The following ADCY5 variants were observed in gnomAD, a reference collection of about 807,000 sequenced individuals.
ADCY5 encodes adenylate cyclase 5.
Under a neutral mutation model 119.7 loss-of-function variants are expected in ADCY5, and 30 were observed. The observed-to-expected ratio is 0.25, with a 90% CI of 0.19 to 0.34. The LOEUF is 0.34. ADCY5 is among the 10% of genes least tolerant of loss of function. The pLI is 1.00. For missense variants in ADCY5, 1,324 were observed against 1,775.2 expected (o/e 0.75, Z 4.57); for synonymous variants, 753 against 762.2 (o/e 0.99, Z 0.20).
Position 123,448,517 on chromosome 3 carries a change from G to T in ADCY5, c.29C>A (p.Pro10Gln). 1 of 1,264,858 alleles carries T rather than the reference G, an allele frequency of 7.9e-7. No individual in the cohort carries two copies. The highest frequency in any genetic ancestry group is 9.9e-7 in the Non-Finnish European group (1 of 1,006,536). 78.4% of individuals were successfully genotyped at this position (1,264,858 alleles called of 1,614,324 possible). A position where few individuals can be genotyped will look rare whatever the true frequency, so the allele number is the denominator to read the frequency against. Residue 10 changes from proline to glutamine, a missense_variant, in exon 1 of 21, where the codon CCG becomes CAG. Physicochemically the swap from Pro to Gln is moderately conservative, Grantham distance 76 (BLOSUM62 -1). This residue lies in a region of ADCY5 where 585 missense variants were observed against 569.9 expected (regional missense o/e 1.03). Coordinates refer to ENST00000462833, the MANE Select transcript of ADCY5 (RefSeq NM_183357.3). MSGSKSVSP[P>Q]GYAAQKTAAP... The stretch of plus-strand genomic sequence containing the variant: ...CGCAGTCTTCTGCGCCGCGTAGCCC[G>T]GGGGGCTCACGCTTTTGGAGCCGGA...
At chr3:123,287,436 C>A (rs914839964) in intron 19 of ADCY5, among the ~76,000 whole-genome samples, 3 of 152,200 alleles carry the variant, frequency 2.0e-5, no homozygotes, top group Non-Finnish European at 2.9e-5. Flanking sequence ...AAATCCTGCC[C>A]CCATGTATCT....
intron 2 of ADCY5, among the ~76,000 whole-genome samples, chr3:123,350,979 G>C (rs1382743061): frequency 6.6e-6 from 1 of 152,120 alleles, no homozygotes; most frequent in East Asian, 1.9e-4. Context: ...GTGTGCCAGA[G>C]GCGAGGTACA....
chr3:123,328,795 G>A lies in ADCY5; in HGVS notation c.1654C>T (p.Arg552Trp). The A allele has an allele frequency of 2.5e-6, 4 of 1,614,144 alleles. No individual in the cohort carries two copies. The highest frequency in any genetic ancestry group is 3.4e-6 in the Non-Finnish European group (4 of 1,180,006). Residue 552 changes from arginine to tryptophan, a missense_variant, in exon 6 of 21, where the codon CGG becomes TGG. Physicochemically the swap from Arg to Trp is moderately radical, Grantham distance 101. Coordinates refer to ENST00000462833, the MANE Select transcript of ADCY5 (RefSeq NM_183357.3). Reference protein sequence around the residue: ...MDMIEAISLVREVTGVNVNMR... With the variant: ...MDMIEAISLVWEVTGVNVNMR... ...TTCACGTTCACCCCTGTCACCTCCC[G>A]GACCAACCTGGGGATGGAGCAGGAG...
intron 1 of ADCY5, among the ~76,000 whole-genome samples, chr3:123,364,084 T>C (rs1255643181): frequency 6.6e-6 from 1 of 152,210 alleles, no homozygotes. Flanking sequence ...TTTTCACATG[T>C]ATACATTTCA....
rs1034123626 is a variant in ADCY5 at position 123,295,956 on chromosome 3, C to T, written c.3063+128G>A. The T allele has an allele frequency of 2.7e-5, 37 of 1,378,626 alleles. 1 individual carries two copies. In the South Asian group the frequency reaches 4.9e-4, roughly 18 times the overall value. The allele number at this position is 1,378,626 out of a possible 1,614,324, so 85.4% of individuals were successfully genotyped here. ...AGGGCACCAAGTGGCTTCGATGGGG[C>T]CTGAGCAAGACAGCTTGACAGTGTA... On this transcript the variant is annotated intron_variant, in intron 17 of 20. Transcript: ENST00000462833.
intron 1 of ADCY5, among the ~76,000 whole-genome samples, chr3:123,394,809 T>TA (rs1944497451): frequency 6.6e-6 from 1 of 152,170 alleles, no homozygotes; most frequent in Non-Finnish European, 1.5e-5. Flanking sequence ...GATAATTAAC[T>TA]AATGCAATGG....
intron 1 of ADCY5, among the ~76,000 whole-genome samples, chr3:123,440,543 A>C (rs1945705297): frequency 6.8e-6 from 1 of 147,586 alleles, no homozygotes; most frequent in African/African-American, 2.5e-5. Context: ...CCCTCCTCAT[A>C]CTCACAGTTC....
At position 123,352,393 on chromosome 3, in the gene ADCY5, G is replaced by T. The variant is rs139300809; in HGVS notation, c.1284+39C>A. ...TCAGCTGAGGTACATCTCAGGGCTC[G>T]ACTCCGTCCCACTGTGCAAGGGCAG... On this transcript the variant is annotated intron_variant, in intron 2 of 20. Transcript: ENST00000462833. The surrounding 1 kb of genome is among the most constrained non-coding windows in gnomAD (Gnocchi z 4.8). 9 of 1,579,010 alleles carry T rather than the reference G, an allele frequency of 5.7e-6. No individual in the cohort carries two copies. The highest frequency in any genetic ancestry group is 1.1e-5 in the South Asian group (1 of 87,564).
At chr3:123,364,712 G>C (rs1943372533) in intron 1 of ADCY5, among the ~76,000 whole-genome samples, 1 of 152,052 alleles carries the variant, frequency 6.6e-6, no homozygotes. Flanking sequence ...AAAATAAAAA[G>C]TATATTCATT....
In ADCY5 at chr3:123,328,641, C is replaced by T; in HGVS notation, c.1805+3G>A. On this transcript the variant is annotated splice_donor_region_variant and intron_variant, in intron 6 of 20. Transcript: ENST00000462833. ...CCCCAAGCCACCCACAGCTGTCACT[C>T]ACCCTGCCTTGCCGCCAGCCTCCAT... is the stretch of plus-strand genomic sequence containing the variant. The T allele has an allele frequency of 6.2e-7, 1 of 1,613,794 alleles. No homozygotes were observed. Among genetic ancestry groups the T allele is most frequent in the Non-Finnish European group, 8.5e-7 (1 of 1,179,962 alleles).
intron 3 of ADCY5, among the ~76,000 whole-genome samples, chr3:123,339,134 G>T (rs1387085819): frequency 6.6e-6 from 1 of 152,204 alleles, no homozygotes; most frequent in African/African-American, 2.4e-5. Context: ...GAAGTACCCG[G>T]AAGTGTCCAG....
intron 1 of ADCY5, among the ~76,000 whole-genome samples, chr3:123,359,362 A>ATATATATATATATT (rs1943162312): frequency 7.8e-6 from 1 of 128,464 alleles, no homozygotes; most frequent in African/African-American, 3.0e-5. Context: ...ATATATATAT[A>ATATATATATATATT]TTCATTATTT....
chr3:123,424,331 T>C (rs1206436908), intron 1 of ADCY5, among the ~76,000 whole-genome samples: 1 of 152,244 alleles, frequency 6.6e-6, no homozygotes, highest in African/African-American at 2.4e-5. Context: ...GGGAGCTCTC[T>C]GAAGGCAGGA....
At chr3:123,406,366 A>T (rs183730802) in intron 1 of ADCY5, among the ~76,000 whole-genome samples, 1 of 152,326 alleles carries the variant, frequency 6.6e-6, no homozygotes, top group East Asian at 1.9e-4. Flanking sequence ...ATGGCATGGC[A>T]TGGCATGTGC....
chr3:123,359,331 A>ATATATATATATATAT (rs1943154404), intron 1 of ADCY5, among the ~76,000 whole-genome samples: 1 of 109,776 alleles, frequency 9.1e-6, no homozygotes, highest in African/African-American at 3.7e-5. Flanking sequence ...CTTATACTAA[A>ATATATATATATATAT]ATATATATAT....
At chr3:123,318,346 C>G (rs1941035412) in intron 10 of ADCY5, among the ~76,000 whole-genome samples, 1 of 152,136 alleles carries the variant, frequency 6.6e-6, no homozygotes, top group Non-Finnish European at 1.5e-5. Context: ...GACCTGAAAC[C>G]TTCTGCAGGT....
chr3:123,352,317 G>C lies in ADCY5; in HGVS notation c.1284+115C>G. On this transcript the variant is annotated intron_variant, in intron 2 of 20. Coordinates refer to ENST00000462833, the MANE Select transcript of ADCY5 (RefSeq NM_183357.3). This position sits in a 1 kb window ranked among gnomAD's most constrained non-coding sequence, Gnocchi z 4.8. ...TTCCCCATGGGTTGGTCCCCTCCCGGGGAGTGGGGCTGGCAGCCGTAATAA... is the reference window on the plus strand; with the variant it reads ...TTCCCCATGGGTTGGTCCCCTCCCGCGGAGTGGGGCTGGCAGCCGTAATAA... The C allele has an allele frequency of 7.5e-7, 1 of 1,338,582 alleles. No individual in the cohort carries two copies. The highest frequency in any genetic ancestry group is 2.5e-5 in the East Asian group (1 of 39,676). 82.9% of individuals were successfully genotyped at this position (1,338,582 alleles called of 1,614,324 possible). A position where few individuals can be genotyped will look rare whatever the true frequency, so the allele number is the denominator to read the frequency against.
intron 1 of ADCY5, among the ~76,000 whole-genome samples, chr3:123,409,730 T>C (rs1474268389): frequency 6.6e-6 from 1 of 152,146 alleles, no homozygotes; most frequent in African/African-American, 2.4e-5. Flanking sequence ...TGCCCACTCA[T>C]GTTGAGATGC....
intron 13 of ADCY5, 33 bp from the exon 14 acceptor site, chr3:123,303,252 G>A (rs374473471): frequency 1.1e-5 from 17 of 1,600,428 alleles, no homozygotes; most frequent in Admixed American, 3.4e-5. Flanking sequence ...TGAGGGGAGG[G>A]TAAGCTGCTG....
Sources: allele counts gnomAD v4.1 joint callset (sites outside exome capture counted in the v4.1 genomes callset), GRCh38; gene constraint gnomAD v4.1.1; regional missense constraint gnomAD v4.1.1; non-coding constraint Gnocchi (gnomAD v3.1); transcripts MANE v1.5; gene names NCBI Gene and HGNC (gene_info 2026-07-23, HGNC 2026-07-21).